The following FAF1 variants were observed in gnomAD, a reference collection of about 807,000 sequenced individuals.
FAF1 encodes FAS-associated factor 1.
In FAF1, 25 loss-of-function variants were observed where a neutral mutation model predicts 92.5. The ratio of observed to expected loss-of-function variants is 0.27; its 90% CI spans 0.20 to 0.38. The LOEUF is 0.38. Ranked by LOEUF, FAF1 falls within the 10% of genes least tolerant of loss-of-function variation. The pLI is 1.00. For missense variants in FAF1, 636 were observed against 793.3 expected (o/e 0.80, Z 2.38); for synonymous variants, 234 against 273.2 (o/e 0.86, Z 1.42).
intron 5 of FAF1, among the ~76,000 whole-genome samples, chr1:50,742,740 C>T (rs935134727): frequency 2.6e-5 from 4 of 152,036 alleles, no homozygotes; most frequent in Admixed American, 6.6e-5. Flanking sequence ...ACTACAAAAG[C>T]GAACTCATTT....
At chr1:50,532,028 C>T (rs2149035877) in intron 15 of FAF1, among the ~76,000 whole-genome samples, 1 of 152,256 alleles carries the variant, frequency 6.6e-6, no homozygotes, top group East Asian at 1.9e-4. Context: ...TTCACAATTA[C>T]AAGGGACAGT....
chr1:50,705,207 T>A lies in FAF1; in HGVS notation c.657+579A>T, dbSNP rs1324470033. On this transcript the variant is annotated intron_variant, in intron 7 of 18. Transcript: ENST00000396153. Reference sequence around the variant, plus strand: ...AGGCATACCAACAAGGTACCTCTTCTCTCTTGGGGGAGGTTCTCTTTTGAA... The same window carrying A: ...AGGCATACCAACAAGGTACCTCTTCACTCTTGGGGGAGGTTCTCTTTTGAA... Among the ~76,000 whole-genome samples the A allele has an allele frequency of 2.0e-5, 3 of 152,270 alleles. No homozygotes were observed. The East Asian group carries it at 5.8e-4, about 29-fold the overall frequency.
chr1:50,518,541 C>G (rs575197804), intron 15 of FAF1, among the ~76,000 whole-genome samples: 1 of 151,740 alleles, frequency 6.6e-6, no homozygotes, highest in South Asian at 2.1e-4. Flanking sequence ...CCCGGGTTCA[C>G]GCCATTCTCC....
intron 8 of FAF1, among the ~76,000 whole-genome samples, chr1:50,630,823 CAT>C (rs1653742045): frequency 7.4e-6 from 1 of 135,120 alleles, no homozygotes; most frequent in African/African-American, 2.8e-5. Flanking sequence ...TCTAGTGTAT[CAT>C]ATCTTTTTTT....
chr1:50,630,209 T>C (rs916793156), intron 8 of FAF1, among the ~76,000 whole-genome samples: 1 of 152,212 alleles, frequency 6.6e-6, no homozygotes, highest in Non-Finnish European at 1.5e-5. Flanking sequence ...TGTAAAAATT[T>C]ATTTTGGTTC....
At chr1:50,478,984 A>T (rs1646669990) in intron 17 of FAF1, among the ~76,000 whole-genome samples, 1 of 152,246 alleles carries the variant, frequency 6.6e-6, no homozygotes, top group Non-Finnish European at 1.5e-5. Context: ...AGTATCTCAG[A>T]AGCATACCCT....
In FAF1 at chr1:50,662,988, C is replaced by T. The variant is rs1192720055; in HGVS notation, c.658-7460G>A. Among the ~76,000 whole-genome samples, 4 of 151,636 alleles carry T rather than the reference C, an allele frequency of 2.6e-5. 1 individual carries two copies. Among genetic ancestry groups the T allele is most frequent in the African/African-American group, 9.8e-5 (4 of 40,968 alleles). ...CTGGGATTACAGGCGTAAGCCACCA[C>T]CCAGCCATGAATTTGTATCTTTAGT... On this transcript the variant is annotated intron_variant, in intron 7 of 18. Coordinates refer to ENST00000396153, the MANE Select transcript of FAF1 (RefSeq NM_007051.3).
At chr1:50,617,115 T>C (rs1652948184) in intron 8 of FAF1, among the ~76,000 whole-genome samples, 1 of 152,238 alleles carries the variant, frequency 6.6e-6, no homozygotes, top group Non-Finnish European at 1.5e-5. Flanking sequence ...TCTTTTTCCA[T>C]TTGGATGCCT....
chr1:50,828,259 CTTTTTTT>C (rs61047986), intron 2 of FAF1, among the ~76,000 whole-genome samples: 1 of 139,380 alleles, frequency 7.2e-6, no homozygotes, highest in South Asian at 2.3e-4. Flanking sequence ...AGGGTCTTTT[CTTTTTTT>C]TTTTTTTTCT....
At chr1:50,767,815 G>A (rs958211551) in intron 4 of FAF1, among the ~76,000 whole-genome samples, 10 of 152,102 alleles carry the variant, frequency 6.6e-5, no homozygotes, top group Admixed American at 5.9e-4. Context: ...ATATGGAAAG[G>A]AAAGACCATT....
At chr1:50,949,996 T>C (rs541919536) in intron 1 of FAF1, among the ~76,000 whole-genome samples, 2 of 148,592 alleles carry the variant, frequency 1.3e-5, no homozygotes, top group African/African-American at 4.9e-5. Flanking sequence ...CCAGCTAATT[T>C]AAAAAAAAAA....
At chr1:50,670,209 T>C (rs529881397) in intron 7 of FAF1, among the ~76,000 whole-genome samples, 18 of 151,940 alleles carry the variant, frequency 1.2e-4, no homozygotes, top group South Asian at 4.2e-4. Flanking sequence ...GGGGGTGAGA[T>C]AGGGGAGGGA....
chr1:50,753,107 C>T (rs1659934272), intron 4 of FAF1, among the ~76,000 whole-genome samples: 1 of 152,174 alleles, frequency 6.6e-6, no homozygotes, highest in Non-Finnish European at 1.5e-5. Flanking sequence ...AAATCACCAC[C>T]TTAATCAATG....
At chr1:50,582,045 G>A (rs74080008) in intron 12 of FAF1, among the ~76,000 whole-genome samples, 2 of 151,352 alleles carry the variant, frequency 1.3e-5, no homozygotes, top group South Asian at 4.2e-4. Flanking sequence ...CCTTTTTTTG[G>A]GGGGGTGGGC....
chr1:50,451,686 T>C (rs912197590), intron 18 of FAF1: 8 of 201,384 alleles, frequency 4.0e-5, no homozygotes, highest in Non-Finnish European at 7.1e-5. Context: ...TGAAATTTAG[T>C]CATTCAATTA....
intron 15 of FAF1, among the ~76,000 whole-genome samples, chr1:50,498,510 A>G (rs1352460807): frequency 6.6e-6 from 1 of 152,238 alleles, no homozygotes; most frequent in African/African-American, 2.4e-5. Context: ...ATTACTATCC[A>G]GAATATATAA....
At chr1:50,646,254 TAC>T (rs946606078) in intron 8 of FAF1, among the ~76,000 whole-genome samples, 3 of 152,008 alleles carry the variant, frequency 2.0e-5, no homozygotes, top group Non-Finnish European at 1.5e-5. Context: ...CATACATATA[TAC>T]ACACACACAC....
At chr1:50,751,174 A>G (rs555572223) in intron 4 of FAF1, among the ~76,000 whole-genome samples, 1 of 151,674 alleles carries the variant, frequency 6.6e-6, no homozygotes, top group East Asian at 2.0e-4. Flanking sequence ...AGCTAAACTT[A>G]GAGCAAAGTA....
At chr1:50,901,641 G>C (rs1644797386) in intron 1 of FAF1, among the ~76,000 whole-genome samples, 1 of 152,120 alleles carries the variant, frequency 6.6e-6, no homozygotes, top group Admixed American at 6.5e-5. Context: ...CAAGGCAGGT[G>C]GATCACTTTG....
Sources: gnomAD v4.1 joint callset for allele counts (sites outside exome capture counted in the v4.1 genomes callset) on GRCh38, gnomAD v4.1.1 for gene constraint, MANE v1.5 for transcripts, NCBI Gene and HGNC (gene_info 2026-07-23, HGNC 2026-07-21) for gene names.